The following LURAP1L variants were observed in gnomAD, a reference collection of about 807,000 sequenced individuals.
LURAP1L encodes leucine rich adaptor protein 1 like, also known as leucine rich adaptor protein 1-like.
In LURAP1L, 12 loss-of-function variants were observed where a neutral mutation model predicts 13.8. The ratio of observed to expected loss-of-function variants is 0.87; its 90% CI spans 0.56 to 1.41. The LOEUF (loss-of-function observed/expected upper bound fraction) is 1.41. Among genes scored for constraint, LURAP1L ranks in the 40% most tolerant of loss-of-function variants. The pLI is 0.00. For synonymous variants in LURAP1L, 139 were observed against 119.2 expected (o/e 1.17, Z -1.08); for missense variants, 375 against 292.9 (o/e 1.28, Z -2.04).
At chr9:12,793,864 A>C (rs1819478211) in intron 1 of LURAP1L, among the ~76,000 whole-genome samples, 1 of 152,100 alleles carries the variant, frequency 6.6e-6, no homozygotes, top group Admixed American at 6.6e-5. Context: ...TTAATTAATA[A>C]ATAAAATGAG....
intron 1 of LURAP1L, among the ~76,000 whole-genome samples, chr9:12,776,408 C>A (rs539045249): frequency 5.3e-5 from 8 of 152,272 alleles, no homozygotes; most frequent in Admixed American, 2.0e-4. Context: ...GTTAACACTT[C>A]GGGTAGGTTC....
chr9:12,812,073 G>C (rs2118538464), intron 1 of LURAP1L, among the ~76,000 whole-genome samples: 2 of 152,332 alleles, frequency 1.3e-5, no homozygotes, highest in Middle Eastern at 6.8e-3. Context: ...GCAAGCATTT[G>C]AGAGAGTGTG....
Position 12,775,581 on chromosome 9 carries a change from G to T in LURAP1L, c.-135G>T, listed in dbSNP as rs1474693902. 5 of 1,396,466 alleles carry T rather than the reference G, an allele frequency of 3.6e-6. No homozygotes were observed. Among genetic ancestry groups the T allele is most frequent in the Non-Finnish European group, 4.7e-6 (5 of 1,065,524 alleles). The allele number at this position is 1,396,466 out of a possible 1,614,324, so 86.5% of individuals were successfully genotyped here. A position where few individuals can be genotyped will look rare whatever the true frequency, so the allele number is the denominator to read the frequency against. ...ATACCGCATAGGCGGTTATGGAAAGGACGGTACACCGGAGCGGCGGAGGAT... is the reference window on the plus strand; with the variant it reads ...ATACCGCATAGGCGGTTATGGAAAGTACGGTACACCGGAGCGGCGGAGGAT... On this transcript the variant is annotated 5_prime_UTR_variant, in exon 1 of 2. Transcript: ENST00000319264.
intron 1 of LURAP1L, among the ~76,000 whole-genome samples, chr9:12,815,419 C>G (rs1194316705): frequency 6.6e-6 from 1 of 152,154 alleles, no homozygotes; most frequent in Admixed American, 6.5e-5. Flanking sequence ...CTTCCACCAA[C>G]TACAAATCAG....
At chr9:12,799,180 G>A (rs1038724401) in intron 1 of LURAP1L, among the ~76,000 whole-genome samples, 1 of 152,142 alleles carries the variant, frequency 6.6e-6, no homozygotes, top group African/African-American at 2.4e-5. Context: ...TTTTGGCCAA[G>A]TCATCAAGCT....
chr9:12,802,124 C>G (rs530383678), intron 1 of LURAP1L, among the ~76,000 whole-genome samples: 1 of 152,274 alleles, frequency 6.6e-6, no homozygotes, highest in Admixed American at 6.5e-5. Context: ...TTTCCCTACA[C>G]AGCCCAAATT....
At chr9:12,789,247 A>C (rs904498824) in intron 1 of LURAP1L, among the ~76,000 whole-genome samples, 1 of 152,180 alleles carries the variant, frequency 6.6e-6, no homozygotes, top group African/African-American at 2.4e-5. Context: ...TTAAATAATG[A>C]GATGATATAT....
chr9:12,815,086 A>G (rs1231815306), intron 1 of LURAP1L, among the ~76,000 whole-genome samples: 1 of 152,196 alleles, frequency 6.6e-6, no homozygotes, highest in African/African-American at 2.4e-5. Flanking sequence ...CTGCAAAAAG[A>G]TGATAATATT....
At chr9:12,800,543 A>AG (rs1563893486) in intron 1 of LURAP1L, among the ~76,000 whole-genome samples, 1 of 152,092 alleles carries the variant, frequency 6.6e-6, no homozygotes. Context: ...CAAAAAAAAA[A>AG]CAAAAAACAT....
At chr9:12,783,557 T>A (rs986246040) in intron 1 of LURAP1L, among the ~76,000 whole-genome samples, 1 of 152,210 alleles carries the variant, frequency 6.6e-6, no homozygotes, top group Non-Finnish European at 1.5e-5. Flanking sequence ...AAATTCCACT[T>A]GGTCATGATG....
chr9:12,783,913 A>G (rs1419950036), intron 1 of LURAP1L, among the ~76,000 whole-genome samples: 2 of 150,140 alleles, frequency 1.3e-5, no homozygotes, highest in Non-Finnish European at 3.0e-5. Context: ...TTCAATTAGC[A>G]TGTCTTCAAG....
intron 1 of LURAP1L, among the ~76,000 whole-genome samples, chr9:12,784,557 T>C (rs1819322921): frequency 6.6e-6 from 1 of 152,184 alleles, no homozygotes; most frequent in African/African-American, 2.4e-5. Context: ...AGTTTCTCTC[T>C]GTGCTGAGCT....
intron 1 of LURAP1L, among the ~76,000 whole-genome samples, chr9:12,817,583 G>T (rs1352181358): frequency 2.6e-5 from 4 of 152,180 alleles, no homozygotes; most frequent in Admixed American, 6.5e-5. Flanking sequence ...CTCCTAGGAG[G>T]TGACATTTAA....
At chr9:12,793,695 T>TA (rs1819475510) in intron 1 of LURAP1L, among the ~76,000 whole-genome samples, 1 of 152,072 alleles carries the variant, frequency 6.6e-6, no homozygotes, top group South Asian at 2.1e-4. Flanking sequence ...TGCATTATGA[T>TA]AAAGACAGTG....
At chr9:12,788,384 A>T (rs1192207033) in intron 1 of LURAP1L, among the ~76,000 whole-genome samples, 1 of 152,146 alleles carries the variant, frequency 6.6e-6, no homozygotes. Context: ...CTTTAAAGTT[A>T]AACTGACACT....
intron 1 of LURAP1L, among the ~76,000 whole-genome samples, chr9:12,813,446 A>G (rs1372870659): frequency 3.3e-5 from 5 of 152,128 alleles, no homozygotes; most frequent in African/African-American, 1.2e-4. Flanking sequence ...TATCAATCCC[A>G]TGTTTATGTT....
chr9:12,819,825 G>A (rs998196374), intron 1 of LURAP1L, among the ~76,000 whole-genome samples: 54 of 152,076 alleles, frequency 3.6e-4, no homozygotes. Flanking sequence ...ATGGTGTTGC[G>A]TGCCTGTAAT....
intron 1 of LURAP1L, among the ~76,000 whole-genome samples, chr9:12,778,732 A>T (rs1819226319): frequency 6.6e-6 from 1 of 152,220 alleles, no homozygotes; most frequent in African/African-American, 2.4e-5. Flanking sequence ...CTTGATTTTT[A>T]TTTTAAATTT....
intron 1 of LURAP1L, among the ~76,000 whole-genome samples, chr9:12,794,393 A>G (rs1819485133): frequency 6.6e-6 from 1 of 152,042 alleles, no homozygotes; most frequent in African/African-American, 2.4e-5. Flanking sequence ...TTTTGTGTCA[A>G]CAAGATCAAA....
Sources: gnomAD v4.1 joint callset for allele counts (sites outside exome capture counted in the v4.1 genomes callset) on GRCh38, gnomAD v4.1.1 for gene constraint, MANE v1.5 for transcripts, NCBI Gene and HGNC (gene_info 2026-07-23, HGNC 2026-07-21) for gene names.